Variants in SYT16 observed in about 807,000 individuals in gnomAD.
SYT16 encodes synaptotagmin 16, also known as synaptotagmin-16.
In SYT16, 42 loss-of-function variants were observed where a neutral mutation model predicts 61.4. That is an observed-to-expected ratio of 0.68 (90% CI 0.53 to 0.89). The LOEUF is 0.89. Ranked by LOEUF, SYT16 falls within the 40% of genes least tolerant of loss-of-function variation. The pLI is 0.00. For missense variants in SYT16, 804 were observed against 807.3 expected (o/e 1.00, Z 0.05); for synonymous variants, 314 against 302.3 (o/e 1.04, Z -0.40).
At chr14:61,889,286 A>G (rs1488879559) in intron 1 of SYT16, among the ~76,000 whole-genome samples, 1 of 152,200 alleles carries the variant, frequency 6.6e-6, no homozygotes, top group Non-Finnish European at 1.5e-5. Context: ...TGTTATAATT[A>G]TTGCTGAAGG....
chr14:61,926,601 G>A (rs980111659), intron 1 of SYT16, among the ~76,000 whole-genome samples: 3 of 152,206 alleles, frequency 2.0e-5, no homozygotes, highest in Non-Finnish European at 4.4e-5. Context: ...ATGTGAAAGA[G>A]ATACTGCTTT....
intron 3 of SYT16, among the ~76,000 whole-genome samples, chr14:62,003,088 T>C (rs561257575): frequency 9.3e-4 from 141 of 152,190 alleles, no homozygotes; most frequent in Non-Finnish European, 1.7e-3. Context: ...GGAACTGCAA[T>C]TCAAGATGAG....
At chr14:62,034,881 T>C (rs1274860683) in intron 3 of SYT16, among the ~76,000 whole-genome samples, 1 of 152,188 alleles carries the variant, frequency 6.6e-6, no homozygotes, top group Admixed American at 6.5e-5. Context: ...AGCTGTTTTT[T>C]AAAAAAGGCT....
At chr14:61,953,562 C>T (rs2050754688) in intron 1 of SYT16, among the ~76,000 whole-genome samples, 1 of 152,140 alleles carries the variant, frequency 6.6e-6, no homozygotes, top group African/African-American at 2.4e-5. Flanking sequence ...CTGAAAGTGA[C>T]CAGCACTGTT....
chr14:62,085,540 G>A lies in SYT16; in HGVS notation c.1624+1155G>A, dbSNP rs141442157. Among the ~76,000 whole-genome samples the A allele has an allele frequency of 1.2e-3, 190 of 152,316 alleles. 2 individuals are homozygous for A. The highest frequency in any genetic ancestry group is 8.7e-3 in the South Asian group (42 of 4,826). ...CTCAGGCCTCAGGTATCAGCAGCAG[G>A]TGAAGAACTAGGAGCACCACTGGAA... On this transcript the variant is annotated intron_variant, in intron 7 of 7. Coordinates refer to ENST00000683842, the MANE Select transcript of SYT16 (RefSeq NM_001367656.1).
rs1181754589 is a variant in SYT16, at chr14:62,108,824, C to T, written c.*8117C>T. On this transcript the variant is annotated 3_prime_UTR_variant, in exon 8 of 8. Transcript: ENST00000683842. ...CTTATAGTGTTGGGATAGGATTTGACCTGTATTTTCAGGTTAAAGCTGGTC... is the reference window on the plus strand; with the variant it reads ...CTTATAGTGTTGGGATAGGATTTGATCTGTATTTTCAGGTTAAAGCTGGTC... 6.6e-6 allele frequency: 1 copy of T among 152,066 alleles called. No homozygotes were observed. Among genetic ancestry groups the T allele is most frequent in the African/African-American group, 2.4e-5 (1 of 41,414 alleles). 9.4% of individuals were successfully genotyped at this position (152,066 alleles called of 1,614,324 possible).
rs534763368 is a variant in SYT16, at chr14:61,989,267, A to G, written c.-144-6609A>G. On this transcript the variant is annotated intron_variant, in intron 2 of 7. Transcript: ENST00000683842. ...TACCTGATGTTGAGTGCCTGTTAAT[A>G]CTGGGCTCTGTTATAGCTGCTTTAA... 3.3e-5 allele frequency among the ~76,000 whole-genome samples: 5 copies of G among 152,300 alleles called. No individual in the cohort carries two copies. In the South Asian group the frequency reaches 1.0e-3, roughly 32 times the overall value.
chr14:61,982,754 AAT>A (rs902401432), intron 2 of SYT16, among the ~76,000 whole-genome samples: 1 of 152,150 alleles, frequency 6.6e-6, no homozygotes, highest in African/African-American at 2.4e-5. Context: ...AGTGGAGATA[AAT>A]ATGTCATTTT....
intron 2 of SYT16, among the ~76,000 whole-genome samples, chr14:61,982,979 G>T (rs1217685414): frequency 6.6e-6 from 1 of 152,128 alleles, no homozygotes; most frequent in African/African-American, 2.4e-5. Context: ...TTGTCAGCAA[G>T]ATCCTAATAT....
At chr14:62,021,884 G>A (rs936831542) in intron 3 of SYT16, among the ~76,000 whole-genome samples, 7 of 152,088 alleles carry the variant, frequency 4.6e-5, no homozygotes, top group Non-Finnish European at 8.8e-5. Flanking sequence ...GGCTTGTCAG[G>A]GGTCCACTGT....
chr14:61,940,218 G>A (rs2050153433), intron 1 of SYT16, among the ~76,000 whole-genome samples: 1 of 151,934 alleles, frequency 6.6e-6, no homozygotes, highest in Admixed American at 6.6e-5. Flanking sequence ...CTCAGCTTTT[G>A]AGGTGACATT....
In SYT16 at chr14:61,812,720, C is replaced by G. The variant is rs913888899; in HGVS notation, c.-415C>G. 6.7e-6 allele frequency: 1 copy of G among 148,680 alleles called. No individual in the cohort carries two copies. The highest frequency in any genetic ancestry group is 2.4e-5 in the African/African-American group (1 of 40,996). 9.2% of individuals were successfully genotyped at this position (148,680 alleles called of 1,614,324 possible). A position where few individuals can be genotyped will look rare whatever the true frequency, so the allele number is the denominator to read the frequency against. On this transcript the variant is annotated 5_prime_UTR_variant, in exon 1 of 8. Transcript: ENST00000683842. Reference sequence around the variant, plus strand: ...CGGCCCCCGAGCGCACCGGGCCTGCCGAGGAGCGCGCGCCCGGCCGGGCTC... The same window carrying G: ...CGGCCCCCGAGCGCACCGGGCCTGCGGAGGAGCGCGCGCCCGGCCGGGCTC...
At chr14:62,087,036 T>C (rs2056908721) in intron 7 of SYT16, among the ~76,000 whole-genome samples, 1 of 152,180 alleles carries the variant, frequency 6.6e-6, no homozygotes. Context: ...CCTCTTGGGA[T>C]TTTCAAGGGC....
At chr14:62,074,203 A>G (rs1319108825) in intron 4 of SYT16, among the ~76,000 whole-genome samples, 2 of 152,158 alleles carry the variant, frequency 1.3e-5, no homozygotes, top group East Asian at 3.9e-4. Flanking sequence ...CACTCTTGAC[A>G]TGTAGGAAGA....
At chr14:62,048,261 C>T (rs1450400980) in intron 3 of SYT16, among the ~76,000 whole-genome samples, 3 of 152,146 alleles carry the variant, frequency 2.0e-5, no homozygotes, top group Admixed American at 6.5e-5. Flanking sequence ...AGTTTATTTG[C>T]ATGGAGGTGT....
At chr14:61,901,696 A>C (rs1594869380) in intron 1 of SYT16, among the ~76,000 whole-genome samples, 2 of 151,458 alleles carry the variant, frequency 1.3e-5, no homozygotes, top group East Asian at 3.9e-4. Context: ...CACTGTCAGA[A>C]ATATCTTATC....
At chr14:61,981,564 C>T (rs566849446) in intron 2 of SYT16, among the ~76,000 whole-genome samples, 20 of 152,320 alleles carry the variant, frequency 1.3e-4, no homozygotes, top group African/African-American at 4.8e-4. Flanking sequence ...ATGATACTCT[C>T]TCGTCTCCAT....
At chr14:62,011,384 A>C (rs2053443121) in intron 3 of SYT16, among the ~76,000 whole-genome samples, 1 of 152,176 alleles carries the variant, frequency 6.6e-6, no homozygotes. Flanking sequence ...CCAGTGGAGA[A>C]AAATAAAAAA....
At chr14:62,021,999 A>G (rs1481576770) in intron 3 of SYT16, among the ~76,000 whole-genome samples, 4 of 150,560 alleles carry the variant, frequency 2.7e-5, no homozygotes, top group African/African-American at 9.7e-5. Flanking sequence ...AGTGCTTTCT[A>G]ATGGGTTCAA....
Sources: allele counts gnomAD v4.1 joint callset (sites outside exome capture counted in the v4.1 genomes callset), GRCh38; gene constraint gnomAD v4.1.1; transcripts MANE v1.5; gene names NCBI Gene and HGNC (gene_info 2026-07-23, HGNC 2026-07-21).